The following ATP6V0A4 variants were observed in gnomAD, a reference collection of about 807,000 sequenced individuals.
ATP6V0A4 encodes the protein V-type proton ATPase 116 kDa subunit a 4.
Under a neutral mutation model 107.3 loss-of-function variants are expected in ATP6V0A4, and 86 were observed. The observed-to-expected ratio is 0.80, with a 90% CI of 0.67 to 0.96. The LOEUF is 0.96. Among genes scored for constraint, ATP6V0A4 ranks in the 40% least tolerant of loss-of-function variants. ATP6V0A4 has a pLI of 0.00. For synonymous variants in ATP6V0A4, 353 were observed against 381.4 expected (o/e 0.93, Z 0.87); for missense variants, 908 against 1,045.6 (o/e 0.87, Z 1.81).
At chr7:138,781,143 C>T (rs1807900675) in intron 2 of ATP6V0A4, among the ~76,000 whole-genome samples, 1 of 152,156 alleles carries the variant, frequency 6.6e-6, no homozygotes, top group Non-Finnish European at 1.5e-5. Flanking sequence ...TAAATTATGA[C>T]ACAAGGCTAG....
chr7:138,796,110 G>A (rs1313008791), intron 1 of ATP6V0A4, among the ~76,000 whole-genome samples: 1 of 152,110 alleles, frequency 6.6e-6, no homozygotes, highest in Non-Finnish European at 1.5e-5. Context: ...GTTTACTTGT[G>A]AGGAAAACAT....
chr7:138,761,527 C>T (rs1037084683), intron 7 of ATP6V0A4, among the ~76,000 whole-genome samples: 16 of 150,720 alleles, frequency 1.1e-4, no homozygotes, highest in Non-Finnish European at 2.2e-4. Context: ...CCCAGCTACT[C>T]GGCTGAGGCA....
At chr7:138,742,673 T>C (rs954630625) in intron 14 of ATP6V0A4, among the ~76,000 whole-genome samples, 3 of 147,652 alleles carry the variant, frequency 2.0e-5, no homozygotes, top group Non-Finnish European at 4.4e-5. Flanking sequence ...CACAGGCATG[T>C]GCCACTGCCC....
intron 3 of ATP6V0A4, among the ~76,000 whole-genome samples, chr7:138,770,923 A>G (rs913835801): frequency 5.3e-5 from 8 of 151,168 alleles, no homozygotes; most frequent in African/African-American, 1.9e-4. Flanking sequence ...GGAGACAGGC[A>G]TGGAGGGAGG....
At position 138,784,442 on chromosome 7, in the gene ATP6V0A4, C is replaced by G. The variant is rs1808091597; in HGVS notation, c.-18+1716G>C. ...CACGCCATTCTCCTGACTCAGCCTC[C>G]CGAGTAGCTGGGACTACAGACACCC... On this transcript the variant is annotated intron_variant, in intron 2 of 21. Coordinates refer to ENST00000310018, the MANE Select transcript of ATP6V0A4 (RefSeq NM_020632.3). Among the ~76,000 whole-genome samples, 6 of 150,864 alleles carry G rather than the reference C, an allele frequency of 4.0e-5. No individual in the cohort carries two copies. In the South Asian group the frequency reaches 1.3e-3, roughly 32 times the overall value.
At chr7:138,730,706 C>T (rs1402623228) in intron 17 of ATP6V0A4, among the ~76,000 whole-genome samples, 6 of 152,110 alleles carry the variant, frequency 3.9e-5, no homozygotes, top group Non-Finnish European at 8.8e-5. Flanking sequence ...TGCCTTAAAA[C>T]AGAAGAGTTA....
chr7:138,781,838 TC>T (rs1282040799), intron 2 of ATP6V0A4, among the ~76,000 whole-genome samples: 1,363 of 121,638 alleles, frequency 0.011, 32 homozygotes, highest in Non-Finnish European at 0.015. Context: ...TCTGTCTCTC[TC>T]TCTCTTTTTT....
intron 2 of ATP6V0A4, among the ~76,000 whole-genome samples, chr7:138,776,792 A>G (rs1563016734): frequency 6.6e-6 from 1 of 152,220 alleles, no homozygotes. Context: ...ACCTTGGGAA[A>G]GCTATTTAAC....
At position 138,733,082 on chromosome 7, in the gene ATP6V0A4, C is replaced by G. The variant is rs774244498; in HGVS notation, c.1703G>C (p.Arg568Thr). ...LSLFNHIYFRRTLNIILQFIP... is the reference protein window; with the variant it reads ...LSLFNHIYFRTTLNIILQFIP... ...AAATTGCAGAATGATGTTGAGAGTTCTTCTGAAGTATCTGGGGGTGGAAGA... is the reference window on the plus strand; with the variant it reads ...AAATTGCAGAATGATGTTGAGAGTTGTTCTGAAGTATCTGGGGGTGGAAGA... Residue 568 changes from arginine to threonine, a missense_variant, in exon 17 of 22, where the codon AGA becomes ACA. By Grantham distance (71) the Arg-to-Thr change is moderately conservative. Transcript: ENST00000310018. 77 of 1,613,762 alleles carry G rather than the reference C, an allele frequency of 4.8e-5. No homozygotes were observed. The highest frequency in any genetic ancestry group is 2.7e-5 in the African/African-American group (2 of 74,892).
intron 19 of ATP6V0A4, among the ~76,000 whole-genome samples, chr7:138,717,834 G>C (rs1454825314): frequency 3.4e-5 from 5 of 148,452 alleles, no homozygotes; most frequent in Admixed American, 1.4e-4. Context: ...CTTGAACCCG[G>C]GAGGCGGAGG....
intron 19 of ATP6V0A4, among the ~76,000 whole-genome samples, chr7:138,720,605 G>A (rs1417119810): frequency 2.6e-5 from 4 of 152,024 alleles, no homozygotes; most frequent in African/African-American, 4.8e-5. Context: ...GAATTTTCAC[G>A]ATTGAGATTT....
At chr7:138,734,093 T>C (rs778213721) in intron 16 of ATP6V0A4, 43 bp downstream of exon 16, 1 of 1,568,462 alleles carries the variant, frequency 6.4e-7, no homozygotes, top group Non-Finnish European at 8.8e-7. Flanking sequence ...TCATCATCAG[T>C]GTGATCAGAC....
chr7:138,734,878 GC>G (rs1562991142), intron 15 of ATP6V0A4, among the ~76,000 whole-genome samples: 2 of 151,468 alleles, frequency 1.3e-5, no homozygotes, highest in African/African-American at 4.9e-5. Context: ...TAGCTCATTG[GC>G]CCATGAATGT....
At chr7:138,734,316 G>C in intron 15 of ATP6V0A4, 62 bp from the exon 16 acceptor site, 1 of 1,606,466 alleles carries the variant, frequency 6.2e-7, no homozygotes, top group African/African-American at 1.3e-5. Flanking sequence ...TACTGGAGTT[G>C]AGGGCTACAG....
intron 20 of ATP6V0A4, among the ~76,000 whole-genome samples, chr7:138,713,348 G>A (rs1562976834): frequency 6.6e-6 from 1 of 151,484 alleles, no homozygotes; most frequent in Non-Finnish European, 1.5e-5. Context: ...GGCTGAGTGT[G>A]TGCATCAGCG....
At chr7:138,765,512 C>A (rs1233259715) in intron 5 of ATP6V0A4, among the ~76,000 whole-genome samples, 1 of 152,106 alleles carries the variant, frequency 6.6e-6, no homozygotes, top group Non-Finnish European at 1.5e-5. Context: ...TTTCCCTCCC[C>A]CCTGAATTAG....
intron 20 of ATP6V0A4, among the ~76,000 whole-genome samples, 191 bp downstream of exon 20, chr7:138,715,573 G>C (rs1803995086): frequency 6.6e-6 from 1 of 152,204 alleles, no homozygotes; most frequent in Non-Finnish European, 1.5e-5. Flanking sequence ...TATTAATATA[G>C]AGGGTGACCA....
intron 19 of ATP6V0A4, among the ~76,000 whole-genome samples, chr7:138,717,852 G>A (rs1804126201): frequency 6.9e-6 from 1 of 144,108 alleles, no homozygotes; most frequent in Non-Finnish European, 1.5e-5. Context: ...AGGTTGCAGT[G>A]AGCTGAGATC....
Position 138,706,684 on chromosome 7 carries a change from A to G in ATP6V0A4, c.2463T>C (p.Asp821=). 6.2e-7 allele frequency: 1 copy of G among 1,613,834 alleles called. No homozygotes were observed. The change falls in exon 22 of 22, where the codon GAT becomes GAC. Residue 821 remains aspartate, a synonymous_variant. Transcript: ENST00000310018. ...AGGAGAATGGAGAAAACTTGTAACC[A>G]TCCCCGACATAGAACTTGTTCTGGA... The part of the protein sequence containing the change: ...VEFQNKFYVG[D]GYKFSPFSFK...
Sources: allele counts gnomAD v4.1 joint callset (sites outside exome capture counted in the v4.1 genomes callset), GRCh38; gene constraint gnomAD v4.1.1; transcripts MANE v1.5; gene names NCBI Gene and HGNC (gene_info 2026-07-23, HGNC 2026-07-21).